The following CFAP74 variants were observed in gnomAD, a reference collection of about 807,000 sequenced individuals.
CFAP74 encodes the protein cilia- and flagella-associated protein 74.
A neutral mutation model predicts 188.9 loss-of-function variants in CFAP74; 124 were observed. The ratio of observed to expected loss-of-function variants is 0.66; its 90% CI spans 0.57 to 0.76. CFAP74 has a LOEUF of 0.76. Among genes scored for constraint, CFAP74 ranks in the 30% least tolerant of loss-of-function variants. CFAP74 has a pLI of 0.00. For synonymous variants in CFAP74, 956 were observed against 916.7 expected (o/e 1.04, Z -0.77); for missense variants, 2,198 against 2,165.2 (o/e 1.02, Z -0.30).
At chr1:1,934,049 C>T (rs1483474124) in intron 25 of CFAP74, among the ~76,000 whole-genome samples, 6 of 152,192 alleles carry the variant, frequency 3.9e-5, no homozygotes, top group Non-Finnish European at 8.8e-5. Flanking sequence ...CAAGCAAAAT[C>T]CAGACCAGCA....
In CFAP74 at chr1:1,924,536, C is replaced by T. The variant is rs567478623; in HGVS notation, c.4105-16G>A. 12 of 1,593,372 alleles carry T rather than the reference C, an allele frequency of 7.5e-6. No homozygotes were observed. Among genetic ancestry groups the T allele is most frequent in the East Asian group, 4.6e-5 (2 of 43,448 alleles). On this transcript the variant is annotated splice_polypyrimidine_tract_variant and intron_variant, in intron 33 of 38. Transcript: ENST00000682832. The stretch of plus-strand genomic sequence containing the variant: ...TGTTCTGCAGCTGCAGAGAGCAGGC[C>T]GCGGTCACTGCCCGCCAGCCCCTGC...
chr1:1,957,669 C>T (rs757456319), intron 16 of CFAP74, among the ~76,000 whole-genome samples: 79 of 152,302 alleles, frequency 5.2e-4, no homozygotes, highest in Middle Eastern at 6.8e-3. Flanking sequence ...TCGCCGGGCA[C>T]GTGCTCCATG....
intron 1 of CFAP74, among the ~76,000 whole-genome samples, chr1:1,996,924 AAAAAAAAAAAAG>A (rs1009944355): frequency 3.3e-5 from 5 of 150,392 alleles, no homozygotes; most frequent in Admixed American, 6.6e-5. Context: ...CTGTCTCAAA[AAAAAAAAAAAAG>A]AAAAAAAAAA....
In CFAP74 at chr1:1,955,221, G is replaced by C. The variant is rs914286644; in HGVS notation, c.2176+470C>G. 14 of 1,289,726 alleles carry C rather than the reference G, an allele frequency of 1.1e-5. No individual in the cohort carries two copies. In the East Asian group the frequency reaches 7.2e-4, roughly 66 times the overall value. 79.9% of individuals were successfully genotyped at this position (1,289,726 alleles called of 1,614,324 possible). A position where few individuals can be genotyped will look rare whatever the true frequency, so the allele number is the denominator to read the frequency against. On this transcript the variant is annotated intron_variant, in intron 18 of 38. Transcript: ENST00000682832. The stretch of plus-strand genomic sequence containing the variant: ...GTATGTGGGAAAACGATCAAGAGAA[G>C]CAAGGAGGAGACGCAAGCGATTCCC...
intron 2 of CFAP74, among the ~76,000 whole-genome samples, chr1:1,990,128 T>G (rs991150898): frequency 6.6e-6 from 1 of 152,230 alleles, no homozygotes; most frequent in Non-Finnish European, 1.5e-5. Context: ...TGTTTCCAGC[T>G]TTAATTTTTG....
At chr1:1,969,449 T>TGCCCAGCCCTGCCCA (rs1238876700) in intron 10 of CFAP74, among the ~76,000 whole-genome samples, 1 of 70,638 alleles carries the variant, frequency 1.4e-5, no homozygotes, top group African/African-American at 5.5e-5. Context: ...AGTCCAGTCC[T>TGCCCAGCCCTGCCCA]GCCCAGCCCT....
chr1:1,993,083 C>G (rs1014967371), intron 1 of CFAP74, among the ~76,000 whole-genome samples: 2 of 150,960 alleles, frequency 1.3e-5, no homozygotes, highest in African/African-American at 4.9e-5. Context: ...CACCTGTAGT[C>G]CCAGCTACTT....
At chr1:1,995,894 C>T (rs887528571) in intron 1 of CFAP74, among the ~76,000 whole-genome samples, 4 of 151,868 alleles carry the variant, frequency 2.6e-5, no homozygotes, top group Admixed American at 2.0e-4. Context: ...GGCGACAGAG[C>T]GAGACTCCGT....
At chr1:1,937,632 G>A (rs1320535326) in intron 25 of CFAP74, among the ~76,000 whole-genome samples, 1 of 152,114 alleles carries the variant, frequency 6.6e-6, no homozygotes, top group Admixed American at 6.5e-5. Context: ...GGCTGTGACT[G>A]CCCCCCAGTG....
chr1:1,979,778 C>G (rs7540978), intron 6 of CFAP74, among the ~76,000 whole-genome samples: 37,648 of 69,006 alleles, frequency 0.55, 14,061 homozygotes, highest in African/African-American at 0.87. Context: ...GTGGTACTGA[C>G]CTGGGTGTGG....
In CFAP74 at chr1:1,926,044, T is replaced by TG. The variant is rs537931473; in HGVS notation, c.3949-107dup. 1.2e-4 allele frequency: 167 copies of TG among 1,412,956 alleles called. 3 individuals are homozygous for TG. Among genetic ancestry groups the TG allele is most frequent in the South Asian group, 1.1e-3 (74 of 68,410 alleles). The allele number at this position is 1,412,956 out of a possible 1,614,324, so 87.5% of individuals were successfully genotyped here. ...CTCAACGCTGGAGTTGAGACAGCTCTGGGGGGGCTCTGTCAGCTCCGCTCA... is the reference window on the plus strand; with the variant it reads ...CTCAACGCTGGAGTTGAGACAGCTCTGGGGGGGGCTCTGTCAGCTCCGCTCA... On this transcript the variant is annotated intron_variant, in intron 32 of 38. Coordinates refer to ENST00000682832, the MANE Select transcript of CFAP74 (RefSeq NM_001304360.2).
intron 25 of CFAP74, among the ~76,000 whole-genome samples, chr1:1,931,338 G>C (rs1346252664): frequency 6.7e-6 from 1 of 149,464 alleles, no homozygotes; most frequent in Non-Finnish European, 1.5e-5. Context: ...GCTGAGGCAG[G>C]AGAATGGCGT....
At chr1:2,001,519 G>A (rs1194702769) in intron 1 of CFAP74, among the ~76,000 whole-genome samples, 1 of 151,978 alleles carries the variant, frequency 6.6e-6, no homozygotes, top group African/African-American at 2.4e-5. Context: ...TAGTAGAGAC[G>A]GTTTCACCGT....
At position 1,922,208 on chromosome 1, in the gene CFAP74, G is replaced by T; in HGVS notation, c.*79C>A. On this transcript the variant is annotated 3_prime_UTR_variant, in exon 39 of 39. Transcript: ENST00000682832. ...GAGGATGGCCAGGTCCCAGGCTCTA[G>T]GGTAGTATGACCTGGCCCTCAGCCT... The T allele has an allele frequency of 1.9e-6, 2 of 1,064,206 alleles. No individual in the cohort carries two copies. The highest frequency in any genetic ancestry group is 2.8e-6 in the Non-Finnish European group (2 of 705,120). The allele number at this position is 1,064,206 out of a possible 1,614,324, so 65.9% of individuals were successfully genotyped here.
chr1:1,997,080 C>T (rs1657956319), intron 1 of CFAP74, among the ~76,000 whole-genome samples: 1 of 152,040 alleles, frequency 6.6e-6, no homozygotes, highest in Non-Finnish European at 1.5e-5. Context: ...TCTCTAAAAC[C>T]ACTTCTCAGT....
intron 22 of CFAP74, among the ~76,000 whole-genome samples, chr1:1,941,567 TTG>T (rs1653377374): frequency 6.6e-6 from 1 of 152,034 alleles, no homozygotes; most frequent in African/African-American, 2.4e-5. Flanking sequence ...TGCACTGAGC[TTG>T]AAACAGAACC....
Position 1,946,444 on chromosome 1 carries a change from A to G in CFAP74, c.2242-5T>C, listed in dbSNP as rs926819987. On this transcript the variant is annotated splice_polypyrimidine_tract_variant and splice_region_variant and intron_variant, in intron 19 of 38. Coordinates refer to ENST00000682832, the MANE Select transcript of CFAP74 (RefSeq NM_001304360.2). ...GCCAATTTCCCCTTCTGTTACCTGC[A>G]CAGGAAGAGATGCCATGGGGTCTGC... 1 of 1,532,418 alleles carries G rather than the reference A, an allele frequency of 6.5e-7. No individual in the cohort carries two copies. 94.9% of individuals were successfully genotyped at this position (1,532,418 alleles called of 1,614,324 possible).
chr1:1,960,337 G>C (rs1654994932), intron 14 of CFAP74, among the ~76,000 whole-genome samples: 1 of 152,256 alleles, frequency 6.6e-6, no homozygotes, highest in African/African-American at 2.4e-5. Flanking sequence ...GGTCGGAGAG[G>C]GCCACAGTTC....
At chr1:1,970,294 GGCCTGGTGCTCCCTGGAGAC>G (rs976674273) in intron 10 of CFAP74, among the ~76,000 whole-genome samples, 5 of 151,858 alleles carry the variant, frequency 3.3e-5, no homozygotes, top group African/African-American at 1.2e-4. Flanking sequence ...TCCCTGGAGG[GGCCTGGTGCTCCCTGGAGAC>G]TTCTGGGTGG....
Sources: allele counts gnomAD v4.1 joint callset (sites outside exome capture counted in the v4.1 genomes callset), GRCh38; gene constraint gnomAD v4.1.1; transcripts MANE v1.5; gene names NCBI Gene and HGNC (gene_info 2026-07-23, HGNC 2026-07-21).